Variants in TCF12 observed in about 807,000 individuals in gnomAD.
TCF12 encodes the protein transcription factor 12.
TCF12 carries 45 observed loss-of-function variants against 86.0 expected under a neutral mutation model. The ratio of observed to expected loss-of-function variants is 0.52; its 90% CI spans 0.41 to 0.67. TCF12 has a LOEUF of 0.67. Among genes scored for constraint, TCF12 ranks in the 30% least tolerant of loss-of-function variants. The probability of loss-of-function intolerance (pLI) is 0.00; values close to 1 mark genes in which losing one functional copy is unlikely to be tolerated. For synonymous variants in TCF12, 330 were observed against 299.6 expected (o/e 1.10, Z -1.05); for missense variants, 881 against 859.9 (o/e 1.02, Z -0.31).
chr15:57,190,915 G>T (rs544506568), intron 6 of TCF12, among the ~76,000 whole-genome samples: 1 of 152,290 alleles, frequency 6.6e-6, no homozygotes, highest in East Asian at 1.9e-4. Flanking sequence ...GGTGGACGAA[G>T]TATAACAAGA....
chr15:56,974,866 A>G (rs2062520581), intron 3 of TCF12, among the ~76,000 whole-genome samples: 1 of 152,082 alleles, frequency 6.6e-6, no homozygotes, highest in African/African-American at 2.4e-5. Flanking sequence ...CATTGGTTAA[A>G]TTTGTGTGGT....
intron 7 of TCF12, 115 bp from the exon 8 acceptor site, chr15:57,197,658 T>C: frequency 8.6e-7 from 1 of 1,169,082 alleles, no homozygotes; most frequent in Non-Finnish European, 1.2e-6. Flanking sequence ...TGCTGCTTAC[T>C]CCCAAATATT....
At chr15:57,074,937 G>A (rs1295035330) in intron 4 of TCF12, among the ~76,000 whole-genome samples, 1 of 152,138 alleles carries the variant, frequency 6.6e-6, no homozygotes, top group Non-Finnish European at 1.5e-5. Flanking sequence ...TTAGATTTTT[G>A]TGTCATGTAT....
chr15:57,252,792 A>G (rs1055642242), intron 15 of TCF12, among the ~76,000 whole-genome samples: 4 of 152,204 alleles, frequency 2.6e-5, no homozygotes, highest in Non-Finnish European at 5.9e-5. Context: ...CAAAGAACAT[A>G]TCTGGATATG....
Position 57,247,751 on chromosome 15 carries a change from G to A in TCF12, c.1115-3599G>A, listed in dbSNP as rs2059929654. The stretch of plus-strand genomic sequence containing the variant: ...CTTTGGTTCCACTACACACCTGTCA[G>A]CCTTGTGTGGTCTAGCACACCTTGC... On this transcript the variant is annotated intron_variant, in intron 13 of 20. Coordinates refer to ENST00000333725, the MANE Select transcript of TCF12 (RefSeq NM_207037.2). 4.1e-6 allele frequency: 3 copies of A among 736,194 alleles called. No individual in the cohort carries two copies. The African/African-American group carries it at 5.2e-5, about 13-fold the overall frequency. 45.6% of individuals were successfully genotyped at this position (736,194 alleles called of 1,614,324 possible). A position where few individuals can be genotyped will look rare whatever the true frequency, so the allele number is the denominator to read the frequency against.
intron 19 of TCF12, chr15:57,281,535 A>T (rs2061690699): frequency 6.6e-6 from 1 of 152,212 alleles, no homozygotes; most frequent in African/African-American, 2.4e-5. Context: ...GTGAGCAGAG[A>T]GCAATCCAGC....
At chr15:56,941,160 T>C (rs1477581660) in intron 3 of TCF12, among the ~76,000 whole-genome samples, 1 of 149,546 alleles carries the variant, frequency 6.7e-6, no homozygotes, top group East Asian at 2.0e-4. Flanking sequence ...AGCCCAGGAG[T>C]TTGAAACCAG....
intron 20 of TCF12, among the ~76,000 whole-genome samples, chr15:57,284,663 A>G (rs2061855429): frequency 6.6e-6 from 1 of 152,276 alleles, no homozygotes; most frequent in African/African-American, 2.4e-5. Flanking sequence ...GAAAAAGAGC[A>G]CTAGGCATTC....
At chr15:56,944,938 G>T (rs2060931276) in intron 3 of TCF12, among the ~76,000 whole-genome samples, 1 of 152,054 alleles carries the variant, frequency 6.6e-6, no homozygotes, top group African/African-American at 2.4e-5. Context: ...GGGGAATATT[G>T]ATATCTTAAC....
intron 12 of TCF12, among the ~76,000 whole-genome samples, chr15:57,239,142 G>A (rs1867642): frequency 0.012 from 1,892 of 151,668 alleles, 42 homozygotes; most frequent in African/African-American, 0.044. Flanking sequence ...CACCTGGGTC[G>A]GGAGTTCGAG....
chr15:56,929,673 G>T (rs1317088863), intron 3 of TCF12, among the ~76,000 whole-genome samples: 1 of 152,114 alleles, frequency 6.6e-6, no homozygotes, highest in African/African-American at 2.4e-5. Context: ...GCAGTGGGTG[G>T]TGACTCAGGG....
chr15:57,098,484 C>T (rs1352618752), intron 5 of TCF12, among the ~76,000 whole-genome samples: 1 of 151,894 alleles, frequency 6.6e-6, no homozygotes, highest in South Asian at 2.1e-4. Context: ...CTTTTTCTGC[C>T]TTTTACAGAG....
intron 4 of TCF12, among the ~76,000 whole-genome samples, chr15:57,074,333 C>T (rs932707981): frequency 3.4e-5 from 5 of 146,024 alleles, no homozygotes; most frequent in East Asian, 2.0e-4. Flanking sequence ...TTTACATTCC[C>T]ATGAGAAATT....
rs753538435 is a variant in TCF12 at position 57,251,256 on chromosome 15, TA to T, written c.1115-93del. ...CCAAACAAAAATATTCATGTAAATTTATTTAGTTATTGAGTATCTTTACCCT... is the reference window on the plus strand; with the variant it reads ...CCAAACAAAAATATTCATGTAAATTTTTTAGTTATTGAGTATCTTTACCCT... On this transcript the variant is annotated intron_variant, in intron 13 of 20. Transcript: ENST00000333725. 2.9e-4 allele frequency: 294 copies of T among 1,016,534 alleles called. 4 individuals are homozygous for T. The highest frequency in any genetic ancestry group is 1.3e-3 in the Middle Eastern group (6 of 4,784). 63.0% of individuals were successfully genotyped at this position (1,016,534 alleles called of 1,614,324 possible).
chr15:57,136,960 TTTTTTTTTTG>T (rs1407680843), intron 5 of TCF12, among the ~76,000 whole-genome samples: 125 of 4,620 alleles, frequency 0.027, 25 homozygotes, highest in African/African-American at 0.052. Flanking sequence ...TTCTGGCAGT[TTTTTTTTTTG>T]TTTTTTTTTT....
chr15:57,007,968 TCTCTCTCTCG>T (rs1382120866), intron 3 of TCF12, among the ~76,000 whole-genome samples: 1 of 148,996 alleles, frequency 6.7e-6, no homozygotes, highest in African/African-American at 2.5e-5. Context: ...TCTGTCTCTC[TCTCTCTCTCG>T]CTCTCTCTCT....
intron 3 of TCF12, among the ~76,000 whole-genome samples, chr15:57,050,762 T>C (rs773952142): frequency 4.8e-4 from 73 of 152,310 alleles, no homozygotes; most frequent in Non-Finnish European, 9.1e-4. Context: ...TGTTCAGTTT[T>C]ACTTACCATT....
chr15:57,173,028 G>A (rs897642603), intron 6 of TCF12, among the ~76,000 whole-genome samples: 1 of 152,026 alleles, frequency 6.6e-6, no homozygotes, highest in African/African-American at 2.4e-5. Context: ...GTTCGAGGCT[G>A]CAGTGCGCTG....
At chr15:57,229,684 G>C (rs577222332) in intron 8 of TCF12, among the ~76,000 whole-genome samples, 1 of 151,950 alleles carries the variant, frequency 6.6e-6, no homozygotes, top group Admixed American at 6.6e-5. Flanking sequence ...AACTACTTCT[G>C]TTAGAATGAA....
Sources: gnomAD v4.1 joint callset for allele counts (sites outside exome capture counted in the v4.1 genomes callset) on GRCh38, gnomAD v4.1.1 for gene constraint, MANE v1.5 for transcripts, NCBI Gene and HGNC (gene_info 2026-07-23, HGNC 2026-07-21) for gene names.